Variants in TMPRSS7 observed in about 807,000 individuals in gnomAD.
The protein encoded by TMPRSS7 is transmembrane protease serine 7.
TMPRSS7 carries 81 observed loss-of-function variants against 95.6 expected under a neutral mutation model. The observed-to-expected ratio is 0.85, with a 90% confidence interval of 0.71 to 1.02. The LOEUF (loss-of-function observed/expected upper bound fraction) is 1.02. TMPRSS7 is among the 50% of genes least tolerant of loss of function. The pLI is 0.00. For synonymous variants in TMPRSS7, 364 were observed against 337.8 expected, an observed-to-expected ratio of 1.08 and a Z score of -0.85; for missense variants, 945 against 955.2, an observed-to-expected ratio of 0.99 and a Z score of 0.14.
At chr3:112,073,320 C>T (rs2073673618) in intron 13 of TMPRSS7, among the ~76,000 whole-genome samples, 1 of 152,052 alleles carries the variant, frequency 6.6e-6, no homozygotes, top group Non-Finnish European at 1.5e-5. Flanking sequence ...TCTCGAACTC[C>T]TGACCTCAGG....
downstream of TMPRSS7, chr3:112,081,269 G>GA (rs764048802): frequency 0.016 from 1,910 of 118,902 alleles, 6 homozygotes; most frequent in Middle Eastern, 0.051. Flanking sequence ...TGTCTCTACT[G>GA]AAAAAAAAAA....
Position 112,046,806 on chromosome 3 carries a change from C to A in TMPRSS7, c.692-168C>A, listed in dbSNP as rs1057164920. ...CTCACTCATGACTATTCTATTTGAT[C>A]TCTAAATACCTGAACAACTACCTCA... On this transcript the variant is annotated intron_variant, in intron 5 of 17. Transcript: ENST00000452346. Among the ~76,000 whole-genome samples, 4 of 152,174 alleles carry A rather than the reference C, an allele frequency of 2.6e-5. No homozygotes were observed. In the East Asian group the frequency reaches 5.8e-4, roughly 22 times the overall value.
At chr3:112,063,994 G>A (rs1488967679) in intron 12 of TMPRSS7, among the ~76,000 whole-genome samples, 1 of 152,146 alleles carries the variant, frequency 6.6e-6, no homozygotes, top group Non-Finnish European at 1.5e-5. Context: ...GCAGCACATG[G>A]TTTCTCATAA....
At position 112,063,572 on chromosome 3, in the gene TMPRSS7, C is replaced by T. The variant is rs1275554444; in HGVS notation, c.1495C>T (p.Gln499Ter). The T allele has an allele frequency of 1.5e-5, 24 of 1,614,088 alleles. No homozygotes were observed. Among genetic ancestry groups the T allele is most frequent in the Non-Finnish European group, 2.0e-5 (24 of 1,179,998 alleles). The change falls in exon 12 of 18, where the codon CAG (glutamine) becomes TAG (stop). Residue 499 changes from glutamine (Q) to a stop codon, truncating the protein, a stop_gained. Coordinates refer to ENST00000452346, the Ensembl canonical transcript of TMPRSS7. LOFTEE classifies it high-confidence loss of function. ...ATGCTCCTCCGGTTTATGTGTCCCT[C>T]AGGCCCAGCGTTGTGATGGAGTAAA...
At chr3:112,070,107 G>A (rs1262739560) in intron 13 of TMPRSS7, among the ~76,000 whole-genome samples, 1 of 152,154 alleles carries the variant, frequency 6.6e-6, no homozygotes, top group Non-Finnish European at 1.5e-5. Flanking sequence ...TTCAGGAGCA[G>A]GTTATGCAGT....
chr3:112,065,444 A>T lies in TMPRSS7; in HGVS notation c.1556-948A>T, dbSNP rs138202780. ...TAGTATTCTATTTCTTAAGAAAATA[A>T]ATACTGATCATTATATAATGACTGA... is the stretch of plus-strand genomic sequence containing the variant. On this transcript the variant is annotated intron_variant, in intron 12 of 17. Coordinates refer to ENST00000452346, the Ensembl canonical transcript of TMPRSS7. 2.0e-4 allele frequency among the ~76,000 whole-genome samples: 30 copies of T among 152,354 alleles called. No homozygotes were observed. The East Asian group carries it at 5.8e-3, about 29-fold the overall frequency.
chr3:112,047,785 C>A (rs759837536), exon 7 of TMPRSS7: 4 of 1,613,956 alleles, frequency 2.5e-6, no homozygotes, highest in Admixed American at 1.7e-5. Context: ...TGTCTCTCCA[C>A]TACCCGCTGG....
exon 11 of TMPRSS7, chr3:112,061,923 C>A (rs757002153): frequency 1.9e-6 from 3 of 1,604,688 alleles, no homozygotes; most frequent in Non-Finnish European, 2.6e-6. Context: ...CATCAGTCAA[C>A]GTAAGCCTAG....
At chr3:112,050,060 A>T in intron 8 of TMPRSS7, 86 bp downstream of exon 8, 1 of 1,340,582 alleles carries the variant, frequency 7.5e-7, no homozygotes, top group Non-Finnish European at 1.0e-6. Context: ...GCTGTGTTGT[A>T]ATATTCATTG....
rs148634151 is a variant in TMPRSS7, at chr3:112,049,304, A to G, written c.960-540A>G. Among the ~76,000 whole-genome samples the G allele has an allele frequency of 5.1e-3, 771 of 152,262 alleles. 3 individuals are homozygous for G. Among genetic ancestry groups the G allele is most frequent in the African/African-American group, 0.018 (739 of 41,546 alleles). ...CCACTCCCACCCTGTGGAGTGCTTT[A>G]ATAAATCCCTGCTTTCCTTTCTCAT... On this transcript the variant is annotated intron_variant, in intron 7 of 17. Transcript: ENST00000452346.
chr3:112,066,548 T>G (rs114793577), intron 13 of TMPRSS7, 46 bp downstream of exon 13: 2 of 1,567,756 alleles, frequency 1.3e-6, no homozygotes, highest in Non-Finnish European at 1.8e-6. Context: ...TATGAAACTC[T>G]TCTAAATCAG....
exon 15 of TMPRSS7, chr3:112,075,473 C>A (rs748206166): frequency 3.3e-6 from 5 of 1,500,184 alleles, no homozygotes; most frequent in African/African-American, 1.4e-5. Flanking sequence ...TTCTGCAGCC[C>A]ACTGTTTTCA....
At position 112,078,832 on chromosome 3, in the gene TMPRSS7, G is replaced by A. The variant is rs370963110; in HGVS notation, c.2315G>A (p.Arg772Gln). The A allele has an allele frequency of 1.5e-5, 24 of 1,613,942 alleles. No homozygotes were observed. Among genetic ancestry groups the A allele is most frequent in the East Asian group, 1.3e-4 (6 of 44,898 alleles). Reference sequence around the variant, plus strand: ...TCCACCTACGGGATCATCACTTCTCGGATGCTCTGTGCAGGCATAATGTCA... The same window carrying A: ...TCCACCTACGGGATCATCACTTCTCAGATGCTCTGTGCAGGCATAATGTCA... The change falls in exon 17 of 18, where the codon CGG becomes CAG. Residue 772 changes from arginine to glutamine, a missense_variant. Physicochemically the swap from Arg to Gln is conservative, Grantham distance 43 (BLOSUM62 1). Coordinates refer to ENST00000452346, the Ensembl canonical transcript of TMPRSS7.
chr3:112,075,356 A>G (rs2073698948), exon 15 of TMPRSS7: 2 of 1,471,794 alleles, frequency 1.4e-6, no homozygotes, highest in Non-Finnish European at 1.8e-6. Context: ...TCACCGCATC[A>G]TCGGAGGCAC....
At chr3:112,050,480 G>A (rs1428894112) in intron 8 of TMPRSS7, among the ~76,000 whole-genome samples, 191 bp from the exon 9 acceptor site, 1 of 121,772 alleles carries the variant, frequency 8.2e-6, no homozygotes, top group African/African-American at 3.0e-5. Flanking sequence ...TAGAGAATAA[G>A]CATTTTAGCT....
At chr3:112,060,137 G>A (rs1032931502) in intron 10 of TMPRSS7, among the ~76,000 whole-genome samples, 3 of 152,160 alleles carry the variant, frequency 2.0e-5, no homozygotes, top group Admixed American at 2.0e-4. Context: ...TTTCAAAAGG[G>A]GAGGGAGTGT....
At chr3:112,034,880 C>T (rs1275048008) in exon 1 of TMPRSS7, 2 of 702,906 alleles carry the variant, frequency 2.8e-6, no homozygotes, top group Admixed American at 4.0e-5. Context: ...TCAGCCGCAC[C>T]TGCTGACCTG....
intron 13 of TMPRSS7, among the ~76,000 whole-genome samples, chr3:112,067,757 A>T (rs1174705001): frequency 1.3e-5 from 2 of 152,180 alleles, no homozygotes; most frequent in African/African-American, 4.8e-5. Flanking sequence ...TAGATTGCAA[A>T]CATTTTCTCC....
intron 3 of TMPRSS7, chr3:112,042,919 C>T: frequency 2.4e-6 from 1 of 424,450 alleles, no homozygotes; most frequent in South Asian, 1.6e-5. Context: ...TTTGTATTTC[C>T]ACGGTACTGG....
Sources: allele counts gnomAD v4.1 joint callset (sites outside exome capture counted in the v4.1 genomes callset), GRCh38; gene constraint gnomAD v4.1.1; transcripts MANE v1.5; gene names NCBI Gene and HGNC (gene_info 2026-07-23, HGNC 2026-07-21).